The following GPAT3 variants were observed in gnomAD, a reference collection of about 807,000 sequenced individuals.
The protein encoded by GPAT3 is glycerol-3-phosphate acyltransferase 3.
GPAT3 carries 53 observed loss-of-function variants against 58.8 expected under a neutral mutation model. That is an observed-to-expected ratio of 0.90 (90% confidence interval 0.72 to 1.13). The LOEUF (loss-of-function observed/expected upper bound fraction) is 1.13. Among genes scored for constraint, GPAT3 ranks in the 50% most tolerant of loss-of-function variants. The pLI, the probability that GPAT3 is intolerant of heterozygous loss-of-function variation, is 0.00. For missense variants in GPAT3, 511 were observed against 527.6 expected, an observed-to-expected ratio of 0.97 and a Z score of 0.31; for synonymous variants, 197 against 187.4, an observed-to-expected ratio of 1.05 and a Z score of -0.42.
Position 83,581,563 on chromosome 4 carries a change from T to C in GPAT3, c.210T>C (p.Gly70=), listed in dbSNP as rs1265372364. 1 of 1,613,072 alleles carries C rather than the reference T, an allele frequency of 6.2e-7. No homozygotes were observed. The highest frequency in any genetic ancestry group is 1.3e-5 in the African/African-American group (1 of 74,790). The stretch of plus-strand genomic sequence containing the variant: ...CATGTCCTGATGCTTTCTTTTAAGG[T>C]ATTATCCAAAGAGATGAGTCACCCA... ...ESILKNSASV[G]IIQRDESPME... The change falls in exon 3 of 12, where the codon GGT becomes GGC. Residue 70 remains glycine, a splice_region_variant and synonymous_variant. Transcript: ENST00000264409.
chr4:83,566,703 A>G (rs1296109339), intron 2 of GPAT3, among the ~76,000 whole-genome samples: 2 of 150,886 alleles, frequency 1.3e-5, no homozygotes, highest in Non-Finnish European at 2.9e-5. Context: ...AAGGTTTGAC[A>G]TTATCTATGT....
rs369170585 is a variant in GPAT3 at position 83,536,658 on chromosome 4, C to T, written c.36C>T (p.Ser12=). The T allele has an allele frequency of 9.3e-6, 15 of 1,613,260 alleles. No homozygotes were observed. In the Admixed American group the frequency reaches 1.7e-4, roughly 18 times the overall value. Residue 12 remains serine (S), a synonymous_variant, in exon 1 of 12, where the codon TCC becomes TCT. Transcript: ENST00000264409. Reference sequence around the variant, plus strand: ...CAGAGCTGGCCGGGAAGATCCTTTCCACCTGGCTGACGCTGGTTCTCGGCT... The same window carrying T: ...CAGAGCTGGCCGGGAAGATCCTTTCTACCTGGCTGACGCTGGTTCTCGGCT... The part of the protein sequence containing the change: ...EGAELAGKIL[S]TWLTLVLGFI...
At chr4:83,600,582 A>G (rs1161247930) in intron 11 of GPAT3, among the ~76,000 whole-genome samples, 1 of 152,088 alleles carries the variant, frequency 6.6e-6, no homozygotes, top group Non-Finnish European at 1.5e-5. Context: ...GGGTCACTGC[A>G]ACTTCCACCT....
intron 2 of GPAT3, among the ~76,000 whole-genome samples, chr4:83,550,977 G>A (rs764723213): frequency 5.3e-5 from 8 of 152,060 alleles, no homozygotes; most frequent in Non-Finnish European, 8.8e-5. Flanking sequence ...TTTCTTTTAC[G>A]TACAATATTA....
At chr4:83,559,378 C>T (rs1725050559) in intron 2 of GPAT3, among the ~76,000 whole-genome samples, 1 of 151,960 alleles carries the variant, frequency 6.6e-6, no homozygotes, top group South Asian at 2.1e-4. Context: ...GGCTAGAGTG[C>T]AGTGACCCAG....
intron 2 of GPAT3, among the ~76,000 whole-genome samples, chr4:83,554,486 G>T (rs1724877895): frequency 6.6e-6 from 1 of 151,928 alleles, no homozygotes; most frequent in Admixed American, 6.6e-5. Context: ...CTATCTTTTA[G>T]GCAAGAACCT....
chr4:83,582,083 C>G (rs1726160608), intron 3 of GPAT3, among the ~76,000 whole-genome samples: 1 of 152,048 alleles, frequency 6.6e-6, no homozygotes, highest in Non-Finnish European at 1.5e-5. Flanking sequence ...CTATTAGAGT[C>G]TGAGCTAACT....
At chr4:83,597,909 T>G in intron 9 of GPAT3, 142 bp from the exon 10 acceptor site, 1 of 964,466 alleles carries the variant, frequency 1.0e-6, no homozygotes, top group East Asian at 2.6e-5. Flanking sequence ...TTTACTTTTT[T>G]TTTGATAAAT....
intron 2 of GPAT3, among the ~76,000 whole-genome samples, chr4:83,570,589 C>T (rs1486179098): frequency 6.6e-5 from 10 of 151,538 alleles, no homozygotes; most frequent in Admixed American, 5.9e-4. Context: ...TCTCCTGCCT[C>T]AGCCTCCTGA....
intron 2 of GPAT3, among the ~76,000 whole-genome samples, chr4:83,578,621 C>T (rs1046552475): frequency 1.3e-5 from 2 of 152,146 alleles, no homozygotes; most frequent in Admixed American, 6.5e-5. Context: ...GTATTCTTCC[C>T]TCCTGCTGTA....
rs369427603 is a variant in GPAT3 at position 83,587,316 on chromosome 4, C to T, written c.541C>T (p.Leu181=). The T allele has an allele frequency of 5.6e-6, 9 of 1,613,586 alleles. No individual in the cohort carries two copies. Among genetic ancestry groups the T allele is most frequent in the Middle Eastern group, 3.3e-4 (2 of 6,082 alleles). ...LVIGTTLVGQ[L]PDSSLKNWLS... is the part of the protein sequence containing the mutation. ...TATAGGAACTACACTGGTTGGGCAG[C>T]TGCCAGACAGCAGGTGAAATGTTTC... is the stretch of plus-strand genomic sequence containing the variant. The change falls in exon 4 of 12, where the codon CTG becomes TTG. Residue 181 remains leucine, a synonymous_variant. Coordinates refer to ENST00000264409, the MANE Select transcript of GPAT3 (RefSeq NM_032717.5).
chr4:83,544,493 G>T, intron 1 of GPAT3, 43 bp from the exon 2 acceptor site: 2 of 1,572,108 alleles, frequency 1.3e-6, no homozygotes, highest in Non-Finnish European at 1.8e-6. Flanking sequence ...TTTATGTTGT[G>T]TCTGTGGGAC....
chr4:83,563,470 T>C (rs1725256024), intron 2 of GPAT3, among the ~76,000 whole-genome samples: 1 of 150,340 alleles, frequency 6.7e-6, no homozygotes, highest in Non-Finnish European at 1.5e-5. Flanking sequence ...TTTTATTTTT[T>C]CTTTCTTCTT....
intron 9 of GPAT3, 149 bp from the exon 10 acceptor site, chr4:83,597,902 A>G: frequency 1.2e-6 from 1 of 842,790 alleles, no homozygotes; most frequent in Non-Finnish European, 1.8e-6. Context: ...GGCCCAGTTT[A>G]CTTTTTTTTT....
Position 83,588,280 on chromosome 4 carries a change from A to C in GPAT3, c.625A>C (p.Thr209Pro), listed in dbSNP as rs765909245. 6.2e-7 allele frequency: 1 copy of C among 1,610,148 alleles called. No individual in the cohort carries two copies. Residue 209 changes from threonine to proline, a missense_variant, in exon 5 of 12, where the codon ACC becomes CCC. Thr to Pro is a conservative substitution (Grantham distance 38, BLOSUM62 -1). Coordinates refer to ENST00000264409, the MANE Select transcript of GPAT3 (RefSeq NM_032717.5). ...CRICVRALSG[T>P]IHYHNKQYRP... Reference sequence around the variant, plus strand: ...GATCTGTGTGCGAGCCCTCTCTGGTACCATTCATTATCATAACAAGTGAGT... The same window carrying C: ...GATCTGTGTGCGAGCCCTCTCTGGTCCCATTCATTATCATAACAAGTGAGT...
At chr4:83,550,961 T>C (rs1240825694) in intron 2 of GPAT3, among the ~76,000 whole-genome samples, 1 of 152,252 alleles carries the variant, frequency 6.6e-6, no homozygotes, top group Non-Finnish European at 1.5e-5. Context: ...AGGTTAGTCA[T>C]CTGTATTTCT....
chr4:83,604,995 C>T lies in GPAT3; in HGVS notation c.*228C>T. The T allele has an allele frequency of 2.5e-6, 1 of 400,482 alleles. No individual in the cohort carries two copies. The highest frequency in any genetic ancestry group is 4.5e-6 in the Non-Finnish European group (1 of 222,432). The allele number at this position is 400,482 out of a possible 1,614,324, so 24.8% of individuals were successfully genotyped here. ...TGTAAGGTGGTTTACTGAGTTAAAA[C>T]AGATTCTGCTTTTGTAAAATGATGG... On this transcript the variant is annotated 3_prime_UTR_variant, in exon 12 of 12. Coordinates refer to ENST00000264409, the MANE Select transcript of GPAT3 (RefSeq NM_032717.5).
At chr4:83,562,213 AT>A (rs1560611109) in intron 2 of GPAT3, among the ~76,000 whole-genome samples, 17 of 20,388 alleles carry the variant, frequency 8.3e-4, no homozygotes, top group South Asian at 7.9e-3. Flanking sequence ...TATATATATT[AT>A]ATATATATAT....
At chr4:83,600,025 AT>A (rs1323454133) in intron 11 of GPAT3, among the ~76,000 whole-genome samples, 1 of 152,188 alleles carries the variant, frequency 6.6e-6, no homozygotes, top group Admixed American at 6.5e-5. Flanking sequence ...ATATCTTAAT[AT>A]TTTCAGACCA....
Sources: gnomAD v4.1 joint callset for allele counts (sites outside exome capture counted in the v4.1 genomes callset) on GRCh38, gnomAD v4.1.1 for gene constraint, MANE v1.5 for transcripts, NCBI Gene and HGNC (gene_info 2026-07-23, HGNC 2026-07-21) for gene names.